The following ADAMTSL3 variants were observed in gnomAD, a reference collection of about 807,000 sequenced individuals.
The protein encoded by ADAMTSL3 is ADAMTS-like protein 3.
Under a neutral mutation model 201.7 loss-of-function variants are expected in ADAMTSL3, and 128 were observed. The ratio of observed to expected loss-of-function variants is 0.63; its 90% CI spans 0.55 to 0.73. The LOEUF (loss-of-function observed/expected upper bound fraction) is 0.73. Ranked by LOEUF, ADAMTSL3 falls within the 30% of genes least tolerant of loss-of-function variation. The probability of loss-of-function intolerance (pLI) is 0.00; values close to 1 mark genes in which losing one functional copy is unlikely to be tolerated. For missense variants in ADAMTSL3, 1,990 were observed against 2,119.6 expected, an observed-to-expected ratio of 0.94 and a Z score of 1.20; for synonymous variants, 738 against 748.4, an observed-to-expected ratio of 0.99 and a Z score of 0.23.
At chr15:83,923,205 G>A (rs899415646) in intron 16 of ADAMTSL3, among the ~76,000 whole-genome samples, 1 of 152,124 alleles carries the variant, frequency 6.6e-6, no homozygotes, top group African/African-American at 2.4e-5. Context: ...TTTTAGGCTT[G>A]AATCTACCAC....
intron 17 of ADAMTSL3, among the ~76,000 whole-genome samples, chr15:83,929,735 G>C (rs963284041): frequency 1.4e-5 from 2 of 147,686 alleles, no homozygotes; most frequent in Non-Finnish European, 3.0e-5. Context: ...GACAGAGACA[G>C]ACACACACAC....
At chr15:84,008,956 T>A (rs753269392) in intron 23 of ADAMTSL3, among the ~76,000 whole-genome samples, 1 of 152,178 alleles carries the variant, frequency 6.6e-6, no homozygotes, top group Non-Finnish European at 1.5e-5. Context: ...CATCAAATTT[T>A]GTCTGCTCTA....
chr15:83,697,178 G>C (rs1325107085), intron 2 of ADAMTSL3, among the ~76,000 whole-genome samples: 1 of 152,122 alleles, frequency 6.6e-6, no homozygotes, highest in Admixed American at 6.5e-5. Flanking sequence ...CTTGAATCTA[G>C]GAATACCCTC....
chr15:83,710,030 A>G (rs770223606), intron 3 of ADAMTSL3, among the ~76,000 whole-genome samples: 2 of 152,230 alleles, frequency 1.3e-5, no homozygotes, highest in Non-Finnish European at 2.9e-5. Context: ...TTAGTCTACT[A>G]GGCACCAAAA....
chr15:83,838,590 A>C (rs961635810), intron 7 of ADAMTSL3, among the ~76,000 whole-genome samples: 1 of 152,236 alleles, frequency 6.6e-6, no homozygotes, highest in African/African-American at 2.4e-5. Context: ...TCAGTTAGCT[A>C]CTGAAGCCAT....
At chr15:83,694,347 A>G (rs944097132) in intron 2 of ADAMTSL3, 2 of 152,146 alleles carry the variant, frequency 1.3e-5, no homozygotes, top group African/African-American at 4.8e-5. Context: ...CTAGACCAGG[A>G]GGAGGGGGAG....
intron 2 of ADAMTSL3, among the ~76,000 whole-genome samples, chr15:83,670,917 G>C (rs2061322093): frequency 6.6e-6 from 1 of 152,190 alleles, no homozygotes; most frequent in Non-Finnish European, 1.5e-5. Flanking sequence ...GCGTTCTTCA[G>C]AGCTATCTAG....
chr15:83,982,451 A>G lies in ADAMTSL3; in HGVS notation c.2823A>G (p.Lys941=), dbSNP rs759996800. Residue 941 remains lysine, a synonymous_variant, in exon 21 of 30, where the codon AAA becomes AAG. Coordinates refer to ENST00000286744, the MANE Select transcript of ADAMTSL3 (RefSeq NM_207517.3). ...IIKCPVRRFQ[K]SLIQWEKDGR... is the part of the protein sequence containing the mutation. ...AGTGCCCCGTGCGACGATTCCAGAA[A>G]TCTCTGATCCAGTGGGAGAAGGATG... is the stretch of plus-strand genomic sequence containing the variant. 1 of 1,614,104 alleles carries G rather than the reference A, an allele frequency of 6.2e-7. No homozygotes were observed. Among genetic ancestry groups the G allele is most frequent in the Non-Finnish European group, 8.5e-7 (1 of 1,180,016 alleles).
At chr15:83,898,538 C>T (rs1475131129) in intron 14 of ADAMTSL3, among the ~76,000 whole-genome samples, 5 of 152,072 alleles carry the variant, frequency 3.3e-5, no homozygotes, top group Admixed American at 6.5e-5. Flanking sequence ...GAAAACTTCC[C>T]GTTCCCAGTG....
chr15:83,678,293 T>C lies in ADAMTSL3; in HGVS notation c.69+22463T>C, dbSNP rs186075417. On this transcript the variant is annotated intron_variant, in intron 2 of 29. Coordinates refer to ENST00000286744, the MANE Select transcript of ADAMTSL3 (RefSeq NM_207517.3). The stretch of plus-strand genomic sequence containing the variant: ...CTTCTGTTATTTTATCCTTTCTTTT[T>C]GGAACACTTCTTTTATCTCTTCTTT... Among the ~76,000 whole-genome samples the C allele has an allele frequency of 1.1e-4, 16 of 152,238 alleles. No homozygotes were observed. The East Asian group carries it at 3.1e-3, about 29-fold the overall frequency.
rs1375775436 is a variant in ADAMTSL3, at chr15:83,982,925, G to A, written c.3297G>A (p.Leu1099=). The change falls in exon 21 of 30, where the codon CTG becomes CTA. Residue 1099 remains leucine, a synonymous_variant. Coordinates refer to ENST00000286744, the MANE Select transcript of ADAMTSL3 (RefSeq NM_207517.3). ...TGGATACAGCCCAGTTTGATGAGCT[G>A]ATAAGAAACATGAGTCAGCTCATGG... ...YSMDTAQFDE[L]IRNMSQLMET... 14 of 1,614,020 alleles carry A rather than the reference G, an allele frequency of 8.7e-6. No homozygotes were observed. The highest frequency in any genetic ancestry group is 1.1e-5 in the Non-Finnish European group (13 of 1,180,038).
At chr15:83,972,827 C>A (rs1596483438) in intron 20 of ADAMTSL3, among the ~76,000 whole-genome samples, 1 of 152,082 alleles carries the variant, frequency 6.6e-6, no homozygotes, top group Non-Finnish European at 1.5e-5. Context: ...GATCACTAGC[C>A]CTTGCTTGCT....
intron 4 of ADAMTSL3, among the ~76,000 whole-genome samples, chr15:83,794,902 G>C (rs1254414925): frequency 2.6e-5 from 4 of 152,256 alleles, no homozygotes; most frequent in South Asian, 4.1e-4. Flanking sequence ...GTCCAGGCTT[G>C]AGTACAGCGG....
chr15:83,836,649 C>CT (rs1782143001), intron 6 of ADAMTSL3, among the ~76,000 whole-genome samples: 1 of 152,094 alleles, frequency 6.6e-6, no homozygotes, highest in African/African-American at 2.4e-5. Context: ...AACATTGGCC[C>CT]TTTTTTATTG....
At chr15:83,662,479 G>A (rs1213816904) in intron 2 of ADAMTSL3, among the ~76,000 whole-genome samples, 1 of 148,714 alleles carries the variant, frequency 6.7e-6, no homozygotes, top group Admixed American at 6.8e-5. Context: ...TAGATGACGA[G>A]TTAGTGGGTT....
intron 2 of ADAMTSL3, among the ~76,000 whole-genome samples, chr15:83,674,577 A>G (rs2061368518): frequency 1.3e-5 from 2 of 150,508 alleles, no homozygotes; most frequent in South Asian, 4.2e-4. Context: ...AATTATTTTA[A>G]CTCTTCTAGA....
At position 83,899,731 on chromosome 15, in the gene ADAMTSL3, C is replaced by A. The variant is rs200618255; in HGVS notation, c.1700C>A (p.Thr567Lys). 2 of 1,610,222 alleles carry A rather than the reference C, an allele frequency of 1.2e-6. No individual in the cohort carries two copies. Among genetic ancestry groups the A allele is most frequent in the South Asian group, 2.2e-5 (2 of 90,598 alleles). Residue 567 changes from threonine (T) to lysine (K), a missense_variant and splice_region_variant, in exon 15 of 30, where the codon ACG (threonine) becomes AAG (lysine). Physicochemically the swap from Thr to Lys is moderately conservative, Grantham distance 78. Coordinates refer to ENST00000286744, the MANE Select transcript of ADAMTSL3 (RefSeq NM_207517.3). ...EETRIATEEP[T>K]FIPEPWSACS... ...ACCAGAATAGCAACAGAAGAACCAA[C>A]GTGAGTCCAGGACCTTTTGTAGGAA... is the stretch of plus-strand genomic sequence containing the variant.
chr15:83,794,060 A>G (rs1434601530), intron 4 of ADAMTSL3, among the ~76,000 whole-genome samples: 1 of 152,220 alleles, frequency 6.6e-6, no homozygotes, highest in Non-Finnish European at 1.5e-5. Flanking sequence ...ACACAAAAGT[A>G]TGTTCAACAC....
rs200247659 is a variant in ADAMTSL3, at chr15:83,913,280, C to A, written c.1889C>A (p.Ala630Asp). Residue 630 changes from alanine (A) to aspartate (D), a missense_variant, in exon 16 of 30, where the codon GCC becomes GAC. Ala to Asp is a moderately radical substitution (Grantham distance 126, BLOSUM62 -2). Coordinates refer to ENST00000286744, the MANE Select transcript of ADAMTSL3 (RefSeq NM_207517.3). ...CTGGAAGCATGTGATGAGAGCCCGG[C>A]CTCCCGAGAGCTAGACATCCCTCTC... is the stretch of plus-strand genomic sequence containing the variant. Reference protein sequence around the residue: ...CLLEACDESPASRELDIPLPE... With the variant: ...CLLEACDESPDSRELDIPLPE... 3.7e-6 allele frequency: 6 copies of A among 1,613,888 alleles called. No homozygotes were observed. The African/African-American group carries it at 8.0e-5, about 22-fold the overall frequency.
Sources: allele counts gnomAD v4.1 joint callset (sites outside exome capture counted in the v4.1 genomes callset), GRCh38; gene constraint gnomAD v4.1.1; transcripts MANE v1.5; gene names NCBI Gene and HGNC (gene_info 2026-07-23, HGNC 2026-07-21).